Variants in FAM161A observed in about 807,000 individuals in gnomAD.
FAM161A encodes the protein FAM161 centrosomal protein A, also known as protein FAM161A.
A neutral mutation model predicts 70.9 loss-of-function variants in FAM161A; 57 were observed. That is an observed-to-expected ratio of 0.80 (90% CI 0.65 to 1.00). The LOEUF (loss-of-function observed/expected upper bound fraction) is 1.00, where lower values mean the gene tolerates loss of function less well. FAM161A is among the 50% of genes least tolerant of loss of function. The pLI is 0.00. For missense variants in FAM161A, 880 were observed against 836.0 expected (o/e 1.05, Z -0.65); for synonymous variants, 299 against 295.7 (o/e 1.01, Z -0.12).
chr2:61,812,871 C>T, the FAM161A span, among the ~76,000 whole-genome samples: 1 of 151,748 alleles, frequency 6.6e-6, no homozygotes, highest in Non-Finnish European at 1.5e-5. Context: ...AGATCAAGAC[C>T]ATGCTGGCTA....
the FAM161A span, among the ~76,000 whole-genome samples, chr2:61,816,052 T>G: frequency 1.3e-5 from 2 of 152,294 alleles, no homozygotes; most frequent in Middle Eastern, 3.4e-3. Context: ...AGAGGCTTCC[T>G]AAGCTCAAGT....
intron 1 of FAM161A, among the ~76,000 whole-genome samples, chr2:61,853,319 G>A (rs988706254): frequency 5.9e-5 from 9 of 152,246 alleles, no homozygotes; most frequent in Admixed American, 2.0e-4. Context: ...TGAAAAGGCC[G>A]TCTCGCTGTA....
chr2:61,821,572 T>C (rs535356813), downstream of FAM161A, among the ~76,000 whole-genome samples: 20 of 151,998 alleles, frequency 1.3e-4, no homozygotes, highest in Non-Finnish European at 2.9e-4. Context: ...CAGTCTATAT[T>C]AGTTGTAAAA....
At chr2:61,848,092 C>A (rs1393842986) in intron 1 of FAM161A, among the ~76,000 whole-genome samples, 1 of 152,168 alleles carries the variant, frequency 6.6e-6, no homozygotes, top group African/African-American at 2.4e-5. Flanking sequence ...GCAAAAGAAT[C>A]TATGCGCTCT....
In FAM161A at chr2:61,839,661, G is replaced by A. The variant is rs754105321; in HGVS notation, c.1343C>T (p.Pro448Leu). Reference sequence around the variant, plus strand: ...TGGTTTACACACTGTTAAGAGTTTTGGAGACTTGTGTTCTGAGAGGTGTTT... The same window carrying A: ...TGGTTTACACACTGTTAAGAGTTTTAGAGACTTGTGTTCTGAGAGGTGTTT... Reference protein sequence around the residue: ...YQKHLSEHKSPKLLTVCKPFD... With the variant: ...YQKHLSEHKSLKLLTVCKPFD... Residue 448 changes from proline (P) to leucine (L), a missense_variant, in exon 3 of 7, where the codon CCA (proline) becomes CTA (leucine). Pro to Leu is a moderately conservative substitution (Grantham distance 98). Transcript: ENST00000404929. The A allele has an allele frequency of 3.7e-6, 6 of 1,614,072 alleles. No individual in the cohort carries two copies. In the African/African-American group the frequency reaches 6.7e-5, roughly 18 times the overall value.
rs922365275 is a variant in FAM161A, at chr2:61,825,794, C to A, written c.*661G>T. On this transcript the variant is annotated 3_prime_UTR_variant, in exon 7 of 7. Transcript: ENST00000404929. ...CTGGGACTACAGGCGCCCACCACCACGCCTGGCTAATTTTTTGTATTTTTA... is the reference window on the plus strand; with the variant it reads ...CTGGGACTACAGGCGCCCACCACCAAGCCTGGCTAATTTTTTGTATTTTTA... 4.8e-6 allele frequency: 2 copies of A among 419,256 alleles called. No homozygotes were observed. The highest frequency in any genetic ancestry group is 1.7e-5 in the South Asian group (1 of 57,666). 26.0% of individuals were successfully genotyped at this position (419,256 alleles called of 1,614,324 possible).
At chr2:61,823,135 C>G (rs537514805), downstream of FAM161A, among the ~76,000 whole-genome samples, 1 of 150,966 alleles carries the variant, frequency 6.6e-6, no homozygotes, top group South Asian at 2.1e-4. Context: ...GAGTTCAAGA[C>G]CAGCCTGGCC....
In FAM161A at chr2:61,840,451, A is replaced by G. The variant is rs1360822232; in HGVS notation, c.553T>C (p.Tyr185His). 1 of 1,613,868 alleles carries G rather than the reference A, an allele frequency of 6.2e-7. No homozygotes were observed. The highest frequency in any genetic ancestry group is 1.1e-5 in the South Asian group (1 of 91,074). ...GTCATCATTCTGTTTTTCCTAGGAT[A>G]CTCTTTTTCTAGGTTGGGTAACTCC... ...EEELPNLEKE[Y>H]PRKNRMMTYA... The change falls in exon 3 of 7, where the codon TAT becomes CAT. Residue 185 changes from tyrosine (Y) to histidine (H), a missense_variant. Tyr to His is a moderately conservative substitution (Grantham distance 83). Coordinates refer to ENST00000404929, the MANE Select transcript of FAM161A (RefSeq NM_001201543.2).
the FAM161A span, among the ~76,000 whole-genome samples, chr2:61,803,728 G>A: frequency 6.6e-6 from 1 of 152,146 alleles, no homozygotes; most frequent in Admixed American, 6.6e-5. Flanking sequence ...GCAGGAGAAT[G>A]GTGTGAACTC....
At chr2:61,837,439 G>A (rs1197624714) in intron 4 of FAM161A, among the ~76,000 whole-genome samples, 1 of 152,130 alleles carries the variant, frequency 6.6e-6, no homozygotes, top group East Asian at 1.9e-4. Flanking sequence ...ACTTTTAAAT[G>A]ATAATTAGGC....
Position 61,840,400 on chromosome 2 carries a change from T to A in FAM161A, c.604A>T (p.Met202Leu). 6.2e-7 allele frequency: 1 copy of A among 1,614,112 alleles called. No individual in the cohort carries two copies. Among genetic ancestry groups the A allele is most frequent in the Non-Finnish European group, 8.5e-7 (1 of 1,180,008 alleles). ...TCCTCAACACAAAAGTCTGTCCACA[T>A]ATTGTTGATGAGCTCCTTAGCATAG... is the stretch of plus-strand genomic sequence containing the variant. ...MTYAKELINN[M>L]WTDFCVEDYI... Residue 202 changes from methionine (M) to leucine (L), a missense_variant, in exon 3 of 7, where the codon ATG becomes TTG. By Grantham distance (15) the Met-to-Leu change is conservative (BLOSUM62 2). Coordinates refer to ENST00000404929, the MANE Select transcript of FAM161A (RefSeq NM_001201543.2).
the FAM161A span, among the ~76,000 whole-genome samples, chr2:61,805,808 C>G: frequency 6.6e-6 from 1 of 152,138 alleles, no homozygotes; most frequent in Non-Finnish European, 1.5e-5. Flanking sequence ...TGCAAAAACA[C>G]CAATCTCATT....
Position 61,831,067 on chromosome 2 carries a change from G to A in FAM161A, c.1852-3809C>T, listed in dbSNP as rs184391916. Among the ~76,000 whole-genome samples, 401 of 140,772 alleles carry A rather than the reference G, an allele frequency of 2.8e-3. 2 individuals carry two copies. Among genetic ancestry groups the A allele is most frequent in the African/African-American group, 0.01 (381 of 37,860 alleles). The allele number at this position is 140,772 out of a possible 152,430, so 92.4% of individuals were successfully genotyped here. A position where few individuals can be genotyped will look rare whatever the true frequency, so the allele number is the denominator to read the frequency against. ...GCGGAGGTTCCAGTGAGCTGAGATC[G>A]AGCCACTGCACTCCAGCCTGGGTGA... is the stretch of plus-strand genomic sequence containing the variant. On this transcript the variant is annotated intron_variant, in intron 5 of 6. Transcript: ENST00000404929.
At chr2:61,803,471 A>G in the FAM161A span, 5 of 609,928 alleles carry the variant, frequency 8.2e-6, 1 homozygote, top group South Asian at 8.7e-5. Flanking sequence ...AAGCCGAAGG[A>G]GTAAAGATAT....
Position 61,826,276 on chromosome 2 carries a change from A to G in FAM161A, c.*179T>C, listed in dbSNP as rs1672360076. The G allele has an allele frequency of 1.4e-6, 1 of 723,382 alleles. No homozygotes were observed. The highest frequency in any genetic ancestry group is 1.7e-5 in the African/African-American group (1 of 57,548). 44.8% of individuals were successfully genotyped at this position (723,382 alleles called of 1,614,324 possible). A position where few individuals can be genotyped will look rare whatever the true frequency, so the allele number is the denominator to read the frequency against. ...TTTAAAACTGAATAGGCAAAGCCTTACTCTAACTGATCAAATGACCAATCA... is the reference window on the plus strand; with the variant it reads ...TTTAAAACTGAATAGGCAAAGCCTTGCTCTAACTGATCAAATGACCAATCA... On this transcript the variant is annotated 3_prime_UTR_variant, in exon 7 of 7. Transcript: ENST00000404929.
rs886056216 is a variant in FAM161A at position 61,825,643 on chromosome 2, T to TC, written c.*811_*812insG. ...AAGTATCCATTTTTTTCTATACTTT[T>TC]TTTTTTTTTTTGGAGACGGAGTCTC... On this transcript the variant is annotated 3_prime_UTR_variant, in exon 7 of 7. Transcript: ENST00000404929. 4 of 418,416 alleles carry TC rather than the reference T, an allele frequency of 9.6e-6. No homozygotes were observed. In the East Asian group the frequency reaches 2.9e-4, roughly 30 times the overall value. The allele number at this position is 418,416 out of a possible 1,614,324, so 25.9% of individuals were successfully genotyped here. A position where few individuals can be genotyped will look rare whatever the true frequency, so the allele number is the denominator to read the frequency against.
chr2:61,805,639 T>G, the FAM161A span, among the ~76,000 whole-genome samples: 1 of 152,196 alleles, frequency 6.6e-6, no homozygotes, highest in Non-Finnish European at 1.5e-5. Context: ...TTCCTCCTAT[T>G]GCAAACTGCA....
intron 5 of FAM161A, among the ~76,000 whole-genome samples, chr2:61,827,609 C>CAAAAA (rs71644452): frequency 3.7e-5 from 4 of 107,888 alleles, no homozygotes; most frequent in African/African-American, 3.8e-5. Flanking sequence ...GACTCTGTCT[C>CAAAAA]AAAAAAAAAA....
intron 4 of FAM161A, chr2:61,836,535 G>C: frequency 6.4e-6 from 1 of 156,484 alleles, no homozygotes; most frequent in Non-Finnish European, 1.4e-5. Context: ...CTGAAAACAA[G>C]ACTTTGCTCT....
Sources: allele counts gnomAD v4.1 joint callset (sites outside exome capture counted in the v4.1 genomes callset), GRCh38; gene constraint gnomAD v4.1.1; transcripts MANE v1.5; gene names NCBI Gene and HGNC (gene_info 2026-07-23, HGNC 2026-07-21).